The following HECW1 variants were observed in gnomAD, a reference collection of about 807,000 sequenced individuals.
HECW1 encodes the protein E3 ubiquitin-protein ligase HECW1.
HECW1 carries 61 observed loss-of-function variants against 182.3 expected under a neutral mutation model. The observed-to-expected ratio is 0.33, with a 90% CI of 0.27 to 0.41. The LOEUF (loss-of-function observed/expected upper bound fraction) is 0.41, where lower values mean the gene tolerates loss of function less well. Among genes scored for constraint, HECW1 ranks in the 10% least tolerant of loss-of-function variants. HECW1 has a pLI of 1.00. For synonymous variants in HECW1, 859 were observed against 832.6 expected, an observed-to-expected ratio of 1.03 and a Z score of -0.55; for missense variants, 1,739 against 2,108.9, an observed-to-expected ratio of 0.82 and a Z score of 3.44.
chr7:43,356,839 A>C (rs1815203773), intron 5 of HECW1, among the ~76,000 whole-genome samples: 1 of 152,214 alleles, frequency 6.6e-6, no homozygotes, highest in Non-Finnish European at 1.5e-5. Context: ...GAAACAAATC[A>C]AATAGAAATA....
intron 2 of HECW1, chr7:43,150,975 C>T (rs576298975): frequency 1.2e-3 from 193 of 155,074 alleles, no homozygotes; most frequent in Non-Finnish European, 2.1e-3. Flanking sequence ...GGGTGGGCCA[C>T]GGCTGGCTCC....
chr7:43,301,217 C>G (rs1055958371), intron 3 of HECW1, among the ~76,000 whole-genome samples: 1 of 152,236 alleles, frequency 6.6e-6, no homozygotes, highest in African/African-American at 2.4e-5. Flanking sequence ...CTAAGAGGAG[C>G]TCTGCTGAAT....
At chr7:43,455,469 G>C (rs2077369933) in intron 12 of HECW1, among the ~76,000 whole-genome samples, 1 of 152,056 alleles carries the variant, frequency 6.6e-6, no homozygotes, top group African/African-American at 2.4e-5. Flanking sequence ...TTTAATCTGA[G>C]GGCCATTCTT....
intron 3 of HECW1, chr7:43,274,251 A>C: frequency 1.2e-6 from 1 of 812,024 alleles, no homozygotes; most frequent in Admixed American, 2.5e-5. Flanking sequence ...CTGCATGCGA[A>C]TCTTTGCGCC....
intron 12 of HECW1, among the ~76,000 whole-genome samples, chr7:43,453,221 C>G (rs1418466060): frequency 6.6e-6 from 1 of 152,110 alleles, no homozygotes; most frequent in African/African-American, 2.4e-5. Flanking sequence ...AAGATTATGT[C>G]TTTATGCAGG....
intron 24 of HECW1, among the ~76,000 whole-genome samples, chr7:43,536,707 G>A (rs528719183): frequency 6.6e-6 from 1 of 152,306 alleles, no homozygotes; most frequent in African/African-American, 2.4e-5. Context: ...CACAGCCTGA[G>A]GGGTAGAGGT....
chr7:43,375,317 T>C (rs944160620), intron 6 of HECW1, among the ~76,000 whole-genome samples: 1 of 152,036 alleles, frequency 6.6e-6, no homozygotes, highest in Non-Finnish European at 1.5e-5. Flanking sequence ...AGTTCTCTAC[T>C]GTACCAGTTG....
intron 29 of HECW1, among the ~76,000 whole-genome samples, chr7:43,559,708 G>A (rs573739834): frequency 1.1e-4 from 17 of 152,190 alleles, no homozygotes; most frequent in Middle Eastern, 3.4e-3. Context: ...CCACACCACC[G>A]GGCAATGCTT....
At chr7:43,290,666 G>A (rs955147062) in intron 3 of HECW1, among the ~76,000 whole-genome samples, 2 of 152,212 alleles carry the variant, frequency 1.3e-5, no homozygotes, top group Admixed American at 1.3e-4. Flanking sequence ...TTGGTTTACA[G>A]TCCCTAGGAG....
At chr7:43,357,037 T>G (rs1236686338) in intron 5 of HECW1, among the ~76,000 whole-genome samples, 3 of 152,018 alleles carry the variant, frequency 2.0e-5, no homozygotes, top group African/African-American at 7.2e-5. Context: ...AAAACCACAA[T>G]GAGTTATCAT....
chr7:43,554,304 T>C (rs1390658340), intron 28 of HECW1, among the ~76,000 whole-genome samples: 1 of 152,216 alleles, frequency 6.6e-6, no homozygotes. Flanking sequence ...GCAGGAACAT[T>C]TTAAGTGGAG....
rs182473302 is a variant in HECW1, at chr7:43,564,220, A to C, written c.*2294A>C. The C allele has an allele frequency of 5.2e-6, 1 of 191,782 alleles. No individual in the cohort carries two copies. The highest frequency in any genetic ancestry group is 6.1e-5 in the Admixed American group (1 of 16,284). 11.9% of individuals were successfully genotyped at this position (191,782 alleles called of 1,614,324 possible). ...CATCTCTAATATAGGGGCATCTTTT[A>C]TCTTTAGAACTTGGTGTTATATATA... On this transcript the variant is annotated 3_prime_UTR_variant, in exon 30 of 30. Coordinates refer to ENST00000395891, the MANE Select transcript of HECW1 (RefSeq NM_015052.5).
At chr7:43,276,169 C>T (rs55969907) in intron 3 of HECW1, among the ~76,000 whole-genome samples, 2,901 of 152,200 alleles carry the variant, frequency 0.019, 80 homozygotes, top group African/African-American at 0.064. Flanking sequence ...AAGAAATGAT[C>T]TTACATAACA....
At chr7:43,531,160 A>G (rs1268451979) in intron 24 of HECW1, among the ~76,000 whole-genome samples, 1 of 152,202 alleles carries the variant, frequency 6.6e-6, no homozygotes, top group Non-Finnish European at 1.5e-5. Context: ...TTTCTTGGAA[A>G]GCCTTTCCCT....
chr7:43,492,522 G>T (rs2078970398), intron 18 of HECW1, among the ~76,000 whole-genome samples: 1 of 152,178 alleles, frequency 6.6e-6, no homozygotes, highest in Non-Finnish European at 1.5e-5. Context: ...TTTTTAGACA[G>T]TTTTTAATGT....
At chr7:43,337,216 A>T (rs978946192) in intron 5 of HECW1, among the ~76,000 whole-genome samples, 2 of 152,094 alleles carry the variant, frequency 1.3e-5, no homozygotes, top group African/African-American at 4.8e-5. Flanking sequence ...TTGTTTTTTG[A>T]CTTTTTAAAT....
At chr7:43,401,977 A>G (rs1256617694) in intron 7 of HECW1, among the ~76,000 whole-genome samples, 14 of 152,018 alleles carry the variant, frequency 9.2e-5, no homozygotes, top group Admixed American at 8.5e-4. Flanking sequence ...GGAGCATCCG[A>G]ATGTTGAGAG....
At chr7:43,531,663 C>G (rs2080996670) in intron 24 of HECW1, among the ~76,000 whole-genome samples, 2 of 152,260 alleles carry the variant, frequency 1.3e-5, no homozygotes, top group East Asian at 1.9e-4. Context: ...CCCTGCACCC[C>G]TAATGAAGAT....
intron 13 of HECW1, among the ~76,000 whole-genome samples, chr7:43,456,842 C>T (rs745958043): frequency 2.6e-5 from 4 of 152,206 alleles, no homozygotes; most frequent in Non-Finnish European, 5.9e-5. Flanking sequence ...CCACACCCAT[C>T]ATACAGTTCT....
Sources: gnomAD v4.1 joint callset for allele counts (sites outside exome capture counted in the v4.1 genomes callset) on GRCh38, gnomAD v4.1.1 for gene constraint, MANE v1.5 for transcripts, NCBI Gene and HGNC (gene_info 2026-07-23, HGNC 2026-07-21) for gene names.